The following EPHB1 variants were observed in gnomAD, a reference collection of about 807,000 sequenced individuals.
The protein encoded by EPHB1 is EPH receptor B1.
Under a neutral mutation model 94.4 loss-of-function variants are expected in EPHB1, and 30 were observed. That is an observed-to-expected ratio of 0.32 (90% CI 0.24 to 0.43). The LOEUF (loss-of-function observed/expected upper bound fraction) is 0.43. Among genes scored for constraint, EPHB1 ranks in the 20% least tolerant of loss-of-function variants. The pLI, the probability that EPHB1 is intolerant of heterozygous loss-of-function variation, is 1.00. For missense variants in EPHB1, 1,055 were observed against 1,308.3 expected, an observed-to-expected ratio of 0.81 and a Z score of 2.99; for synonymous variants, 522 against 489.1, an observed-to-expected ratio of 1.07 and a Z score of -0.89.
intron 1 of EPHB1, among the ~76,000 whole-genome samples, chr3:134,901,593 T>A (rs946848475): frequency 1.3e-5 from 2 of 152,174 alleles, no homozygotes; most frequent in African/African-American, 4.8e-5. Flanking sequence ...GTGGCCCATA[T>A]GGGAAAGGCA....
chr3:135,088,351 A>G (rs184951094), intron 3 of EPHB1, among the ~76,000 whole-genome samples: 44 of 152,350 alleles, frequency 2.9e-4, no homozygotes, highest in Non-Finnish European at 5.6e-4. Flanking sequence ...GAGCCTCAGT[A>G]TCACTGTCAG....
At chr3:135,162,748 T>C (rs1472473500) in intron 7 of EPHB1, among the ~76,000 whole-genome samples, 1 of 152,194 alleles carries the variant, frequency 6.6e-6, no homozygotes, top group African/African-American at 2.4e-5. Flanking sequence ...ACCATAAATA[T>C]ACTTCTACCT....
intron 1 of EPHB1, among the ~76,000 whole-genome samples, chr3:134,863,390 T>C (rs1288597116): frequency 2.0e-5 from 3 of 152,194 alleles, no homozygotes; most frequent in African/African-American, 4.8e-5. Context: ...TGGCCAGGTG[T>C]GGTAGCTCAC....
At chr3:134,937,385 G>T (rs930310859) in intron 2 of EPHB1, among the ~76,000 whole-genome samples, 8 of 152,182 alleles carry the variant, frequency 5.3e-5, no homozygotes. Context: ...TTCACCCAGA[G>T]ACTGGGAATT....
intron 1 of EPHB1, among the ~76,000 whole-genome samples, chr3:134,921,834 G>A (rs1403332295): frequency 4.6e-5 from 7 of 152,122 alleles, no homozygotes. Context: ...TTAGCTCTAG[G>A]CCCATCCTGC....
At chr3:134,881,437 G>A (rs1268128043) in intron 1 of EPHB1, among the ~76,000 whole-genome samples, 2 of 152,150 alleles carry the variant, frequency 1.3e-5, no homozygotes, top group Admixed American at 6.5e-5. Context: ...TGACTTGAGC[G>A]AAGGTGCCTT....
At chr3:135,145,659 C>G (rs1940986890) in intron 5 of EPHB1, among the ~76,000 whole-genome samples, 1 of 152,206 alleles carries the variant, frequency 6.6e-6, no homozygotes, top group South Asian at 2.1e-4. Flanking sequence ...TACAGCTGAA[C>G]AATCCCAGTG....
chr3:135,186,594 T>TA (rs906008605), intron 10 of EPHB1, among the ~76,000 whole-genome samples: 23 of 152,328 alleles, frequency 1.5e-4, no homozygotes, highest in East Asian at 1.3e-3. Context: ...GCTGCTTTTT[T>TA]AAAAAAAGTG....
At chr3:135,124,021 C>G (rs1315800827) in intron 4 of EPHB1, among the ~76,000 whole-genome samples, 1 of 151,646 alleles carries the variant, frequency 6.6e-6, no homozygotes, top group Non-Finnish European at 1.5e-5. Context: ...AAATTCCTGG[C>G]AGGCTGAAAC....
At chr3:134,919,093 G>A (rs1433853731) in intron 1 of EPHB1, among the ~76,000 whole-genome samples, 1 of 152,184 alleles carries the variant, frequency 6.6e-6, no homozygotes, top group African/African-American at 2.4e-5. Flanking sequence ...TGCTGATAAT[G>A]AAAAGGAATA....
intron 2 of EPHB1, among the ~76,000 whole-genome samples, chr3:134,947,743 A>G (rs975148): frequency 0.32 from 48,081 of 152,020 alleles, 7,922 homozygotes; most frequent in Middle Eastern, 0.51. Flanking sequence ...TCTAAGATAA[A>G]TTTTCTCAAT....
chr3:135,235,258 CAG>C (rs1404261945), intron 12 of EPHB1, among the ~76,000 whole-genome samples: 3 of 152,306 alleles, frequency 2.0e-5, no homozygotes, highest in African/African-American at 7.2e-5. Context: ...TAACAATTAT[CAG>C]AGTTTGTATT....
At chr3:135,122,113 A>C (rs576791701) in intron 4 of EPHB1, among the ~76,000 whole-genome samples, 1 of 152,250 alleles carries the variant, frequency 6.6e-6, no homozygotes, top group African/African-American at 2.4e-5. Flanking sequence ...TCCTTTGCAG[A>C]CCTTCAGCTT....
rs1194962887 is a variant in EPHB1, at chr3:134,974,569, G to A, written c.805+22517G>A. Among the ~76,000 whole-genome samples, 4 of 112,124 alleles carry A rather than the reference G, an allele frequency of 3.6e-5. No homozygotes were observed. The East Asian group carries it at 8.2e-4, about 23-fold the overall frequency. The allele number at this position is 112,124 out of a possible 152,430, so 73.6% of individuals were successfully genotyped here. A position where few individuals can be genotyped will look rare whatever the true frequency, so the allele number is the denominator to read the frequency against. ...CATAGCGTGCTGTGTCCCCACCCCT[G>A]CCCCACCTCTTCAACGCCAACAGTT... On this transcript the variant is annotated intron_variant, in intron 3 of 15. Transcript: ENST00000398015.
chr3:134,933,576 A>G (rs1473856056), intron 2 of EPHB1, among the ~76,000 whole-genome samples: 3 of 152,218 alleles, frequency 2.0e-5, no homozygotes, highest in Non-Finnish European at 4.4e-5. Context: ...ACTGTATGAC[A>G]GACCCTAAGT....
intron 3 of EPHB1, among the ~76,000 whole-genome samples, chr3:135,055,245 A>G (rs1937315413): frequency 6.6e-6 from 1 of 152,230 alleles, no homozygotes; most frequent in Non-Finnish European, 1.5e-5. Flanking sequence ...TCAAAAAATG[A>G]TTATGCATAA....
At chr3:135,246,072 G>A (rs746712216) in intron 13 of EPHB1, among the ~76,000 whole-genome samples, 2 of 152,228 alleles carry the variant, frequency 1.3e-5, no homozygotes, top group Non-Finnish European at 2.9e-5. Context: ...TGTCAGTGAG[G>A]AAAATTAGTA....
At chr3:134,848,381 GTGT>G (rs1230903026) in intron 1 of EPHB1, among the ~76,000 whole-genome samples, 1 of 152,218 alleles carries the variant, frequency 6.6e-6, no homozygotes, top group Non-Finnish European at 1.5e-5. Flanking sequence ...TATGTTTATA[GTGT>G]TGTTAATTAT....
In EPHB1 at chr3:134,800,086, T is replaced by G. The variant is rs537084652; in HGVS notation, c.58+4397T>G. Among the ~76,000 whole-genome samples the G allele has an allele frequency of 7.9e-5, 12 of 152,054 alleles. No homozygotes were observed. The East Asian group carries it at 2.3e-3, about 29-fold the overall frequency. On this transcript the variant is annotated intron_variant, in intron 1 of 15. Transcript: ENST00000398015. ...AGGATGGAGATGAAATCAACATGGG[T>G]GGTGACAGATAGCAGGATCATGAAG...
Sources: gnomAD v4.1 joint callset for allele counts (sites outside exome capture counted in the v4.1 genomes callset) on GRCh38, gnomAD v4.1.1 for gene constraint, MANE v1.5 for transcripts, NCBI Gene and HGNC (gene_info 2026-07-23, HGNC 2026-07-21) for gene names.